GOLM2: variants seen among roughly 807,000 people sequenced by gnomAD.
GOLM2 encodes the protein golgi membrane protein 2.
In GOLM2, 26 loss-of-function variants were observed where a neutral mutation model predicts 55.9. The observed-to-expected ratio is 0.47, with a 90% confidence interval of 0.34 to 0.65. The LOEUF is 0.65. GOLM2 is among the 30% of genes least tolerant of loss of function. GOLM2 has a pLI of 0.01. For synonymous variants in GOLM2, 165 were observed against 194.6 expected, an observed-to-expected ratio of 0.85 and a Z score of 1.27; for missense variants, 486 against 531.8, an observed-to-expected ratio of 0.91 and a Z score of 0.85.
chr15:44,347,447 G>C (rs976397205), intron 6 of GOLM2, among the ~76,000 whole-genome samples: 1 of 152,158 alleles, frequency 6.6e-6, no homozygotes, highest in African/African-American at 2.4e-5. Flanking sequence ...CTTTGCACTG[G>C]AACTTAGTGC....
At chr15:44,385,300 T>C (rs1030325145) in intron 8 of GOLM2, among the ~76,000 whole-genome samples, 3 of 151,788 alleles carry the variant, frequency 2.0e-5, no homozygotes, top group Admixed American at 2.0e-4. Context: ...ACCAGCAACG[T>C]ATAAGAGTTC....
chr15:44,383,736 G>T (rs2079421211), intron 8 of GOLM2, among the ~76,000 whole-genome samples: 1 of 149,152 alleles, frequency 6.7e-6, no homozygotes, highest in South Asian at 2.1e-4. Context: ...GAGTGCAGTG[G>T]TGCAGTTGTG....
At chr15:44,357,934 T>A (rs2079208381) in intron 6 of GOLM2, among the ~76,000 whole-genome samples, 1 of 152,178 alleles carries the variant, frequency 6.6e-6, no homozygotes, top group Non-Finnish European at 1.5e-5. Context: ...TTGAGTTTCA[T>A]GGATAGGAAG....
At chr15:44,341,988 G>A (rs994195298) in intron 6 of GOLM2, among the ~76,000 whole-genome samples, 1 of 151,882 alleles carries the variant, frequency 6.6e-6, no homozygotes, top group East Asian at 1.9e-4. Context: ...GAGCCACCGC[G>A]CCTGGCCAAT....
rs538336818 is a variant in GOLM2 at position 44,297,957 on chromosome 15, T to A, written c.327+8601T>A. Among the ~76,000 whole-genome samples the A allele has an allele frequency of 2.8e-5, 4 of 141,792 alleles. No individual in the cohort carries two copies. The East Asian group carries it at 8.6e-4, about 30-fold the overall frequency. 93.0% of individuals were successfully genotyped at this position (141,792 alleles called of 152,430 possible). On this transcript the variant is annotated intron_variant, in intron 1 of 9. Transcript: ENST00000299957. ...ATCTTGGCTCATTGCAACCTCCGCC[T>A]CCCGGGTTTAAGCGACTCTCCTGCC...
rs144496050 is a variant in GOLM2 at position 44,337,899 on chromosome 15, A to C, written c.713A>C (p.His238Pro). 8.7e-4 allele frequency: 1,392 copies of C among 1,592,458 alleles called. 9 individuals carry two copies. In the African/African-American group the frequency reaches 0.017, roughly 19 times the overall value. The change falls in exon 5 of 10, where the codon CAT becomes CCT. Residue 238 changes from histidine to proline, a missense_variant. Physicochemically the swap from His to Pro is moderately conservative, Grantham distance 77 (BLOSUM62 -2). Coordinates refer to ENST00000299957, the MANE Select transcript of GOLM2 (RefSeq NM_138423.4). ...GAACCCTCAAGCAATCATATTCCACATGGGAAAGGTATTATTGTTATTATT... is the reference window on the plus strand; with the variant it reads ...GAACCCTCAAGCAATCATATTCCACCTGGGAAAGGTATTATTGTTATTATT... ...NEEPSSNHIP[H>P]GKEQIKRGGD...
intron 6 of GOLM2, chr15:44,348,883 A>G (rs1205196252): frequency 6.6e-6 from 1 of 152,566 alleles, no homozygotes; most frequent in African/African-American, 2.4e-5. Flanking sequence ...CTTGGGCACC[A>G]GAGCAAGACC....
chr15:44,344,704 C>T (rs2141152891), intron 6 of GOLM2, among the ~76,000 whole-genome samples: 1 of 152,142 alleles, frequency 6.6e-6, no homozygotes, highest in East Asian at 1.9e-4. Flanking sequence ...AATCCTTCTG[C>T]CTTACCTTCT....
chr15:44,403,275 G>A (rs1208235306), intron 9 of GOLM2, among the ~76,000 whole-genome samples: 1 of 152,116 alleles, frequency 6.6e-6, no homozygotes, highest in Non-Finnish European at 1.5e-5. Context: ...CGATTCTCCT[G>A]CCTCAGCCTC....
At chr15:44,342,482 G>T (rs918475758) in intron 6 of GOLM2, among the ~76,000 whole-genome samples, 1 of 151,974 alleles carries the variant, frequency 6.6e-6, no homozygotes, top group Non-Finnish European at 1.5e-5. Context: ...ATCCAGGCTG[G>T]TCTCAAACTC....
chr15:44,360,458 G>A (rs1448983164), intron 6 of GOLM2, among the ~76,000 whole-genome samples: 1 of 152,106 alleles, frequency 6.6e-6, no homozygotes, highest in African/African-American at 2.4e-5. Context: ...GACAAAGAAG[G>A]CCATTACATA....
intron 8 of GOLM2, among the ~76,000 whole-genome samples, chr15:44,402,383 G>C (rs967475369): frequency 6.6e-6 from 1 of 151,226 alleles, no homozygotes; most frequent in Non-Finnish European, 1.5e-5. Context: ...GTAGAGAAAG[G>C]GTTTTACCAT....
At chr15:44,385,843 G>A (rs1341847432) in intron 8 of GOLM2, among the ~76,000 whole-genome samples, 2 of 152,156 alleles carry the variant, frequency 1.3e-5, no homozygotes, top group Non-Finnish European at 2.9e-5. Context: ...ATAGGTATGA[G>A]CCACTGGGCC....
intron 1 of GOLM2, among the ~76,000 whole-genome samples, chr15:44,313,906 G>A (rs1284606984): frequency 6.6e-6 from 1 of 152,132 alleles, no homozygotes; most frequent in Non-Finnish European, 1.5e-5. Context: ...GTTCATTATA[G>A]CCAGTCAAGA....
chr15:44,334,115 G>C (rs1003149839), intron 4 of GOLM2, among the ~76,000 whole-genome samples: 1 of 152,034 alleles, frequency 6.6e-6, no homozygotes, highest in African/African-American at 2.4e-5. Flanking sequence ...CTATTTTTAT[G>C]TTATTAATTA....
At chr15:44,334,132 G>C (rs1000361405) in intron 4 of GOLM2, among the ~76,000 whole-genome samples, 1 of 152,012 alleles carries the variant, frequency 6.6e-6, no homozygotes, top group Non-Finnish European at 1.5e-5. Flanking sequence ...ATTAACTAAT[G>C]CTTCTCCAAT....
At chr15:44,304,377 G>T (rs2078821537) in intron 1 of GOLM2, among the ~76,000 whole-genome samples, 2 of 150,954 alleles carry the variant, frequency 1.3e-5, no homozygotes, top group South Asian at 4.2e-4. Context: ...GAGTAGCTGG[G>T]ATTACAGGCG....
chr15:44,384,237 T>C (rs1463060526), intron 8 of GOLM2, among the ~76,000 whole-genome samples: 1 of 151,358 alleles, frequency 6.6e-6, no homozygotes, highest in Non-Finnish European at 1.5e-5. Flanking sequence ...CTCTGTACTC[T>C]CCTACCCTCA....
chr15:44,328,197 C>T (rs2078997622), intron 2 of GOLM2, among the ~76,000 whole-genome samples: 1 of 152,200 alleles, frequency 6.6e-6, no homozygotes, highest in South Asian at 2.1e-4. Flanking sequence ...TAAATGTTGC[C>T]GGTCAGGCAT....
Sources: allele counts gnomAD v4.1 joint callset (sites outside exome capture counted in the v4.1 genomes callset), GRCh38; gene constraint gnomAD v4.1.1; transcripts MANE v1.5; gene names NCBI Gene and HGNC (gene_info 2026-07-23, HGNC 2026-07-21).